The following ERC1 variants were observed in gnomAD, a reference collection of about 807,000 sequenced individuals.
ERC1 encodes ELKS/RAB6-interacting/CAST family member 1, also known as RAB6 interacting protein 2.
Under a neutral mutation model 132.0 loss-of-function variants are expected in ERC1, and 56 were observed. That is an observed-to-expected ratio of 0.42 (90% CI 0.34 to 0.53). The LOEUF (loss-of-function observed/expected upper bound fraction) is 0.53, where lower values mean the gene tolerates loss of function less well. ERC1 is among the 20% of genes least tolerant of loss of function. The probability of loss-of-function intolerance (pLI) is 0.03; values close to 1 mark genes in which losing one functional copy is unlikely to be tolerated. For synonymous variants in ERC1, 478 were observed against 476.1 expected (o/e 1.00, Z -0.05); for missense variants, 1,202 against 1,349.9 (o/e 0.89, Z 1.72).
At chr12:1,205,216 A>C (rs1016848737) in intron 12 of ERC1, among the ~76,000 whole-genome samples, 1 of 152,116 alleles carries the variant, frequency 6.6e-6, no homozygotes, top group Non-Finnish European at 1.5e-5. Flanking sequence ...AGCGGCACAA[A>C]ACAAAAATCT....
intron 15 of ERC1, among the ~76,000 whole-genome samples, chr12:1,357,580 G>A (rs762565588): frequency 6.6e-6 from 1 of 152,158 alleles, no homozygotes; most frequent in Non-Finnish European, 1.5e-5. Context: ...AAGATAAATG[G>A]TGTAGTCCAA....
At chr12:1,456,073 C>G (rs555288623) in intron 18 of ERC1, among the ~76,000 whole-genome samples, 58 of 152,306 alleles carry the variant, frequency 3.8e-4, no homozygotes, top group African/African-American at 8.4e-4. Context: ...TATTCATTCA[C>G]CACTGTGCTG....
chr12:1,015,182 C>T (rs879744910), intron 1 of ERC1, among the ~76,000 whole-genome samples: 6 of 151,970 alleles, frequency 3.9e-5, no homozygotes, highest in Admixed American at 2.6e-4. Context: ...AATCCTCTCA[C>T]CTGAGTAACT....
At chr12:1,462,211 T>C (rs974336689) in intron 18 of ERC1, among the ~76,000 whole-genome samples, 43 of 152,324 alleles carry the variant, frequency 2.8e-4, no homozygotes, top group African/African-American at 9.1e-4. Flanking sequence ...CGTGAAGATA[T>C]GGAGCAACTG....
chr12:1,114,105 C>T (rs1026986760), intron 6 of ERC1, among the ~76,000 whole-genome samples: 8 of 152,080 alleles, frequency 5.3e-5, no homozygotes. Context: ...CTCACTGCAA[C>T]CTCTGACTCC....
intron 15 of ERC1, among the ~76,000 whole-genome samples, chr12:1,371,483 G>A (rs954211570): frequency 6.6e-6 from 1 of 152,180 alleles, no homozygotes; most frequent in African/African-American, 2.4e-5. Flanking sequence ...CAAAATGGGG[G>A]TACTGATAAT....
intron 8 of ERC1, among the ~76,000 whole-genome samples, chr12:1,174,443 G>A (rs754198117): frequency 1.3e-4 from 20 of 152,236 alleles, no homozygotes; most frequent in Admixed American, 5.9e-4. Context: ...GAAAAAGAAA[G>A]TAACTTGCCA....
chr12:1,435,631 T>C (rs953856250), intron 17 of ERC1, among the ~76,000 whole-genome samples: 4 of 152,230 alleles, frequency 2.6e-5, no homozygotes, highest in Non-Finnish European at 5.9e-5. Flanking sequence ...TAAGCTGTAC[T>C]AAGCTGGAAA....
intron 1 of ERC1, among the ~76,000 whole-genome samples, chr12:996,084 CT>C (rs1238912247): frequency 6.8e-6 from 1 of 147,384 alleles, no homozygotes; most frequent in African/African-American, 2.6e-5. Context: ...TTTTACTTCT[CT>C]GTTTTTTTTG....
intron 11 of ERC1, among the ~76,000 whole-genome samples, chr12:1,184,914 G>T (rs1241237169): frequency 6.6e-6 from 1 of 151,868 alleles, no homozygotes; most frequent in Non-Finnish European, 1.5e-5. Context: ...CACAACACCT[G>T]GCTAAGTTAA....
intron 8 of ERC1, among the ~76,000 whole-genome samples, chr12:1,165,341 T>A (rs1187024426): frequency 6.6e-6 from 1 of 151,960 alleles, no homozygotes; most frequent in African/African-American, 2.4e-5. Flanking sequence ...AGTCTCGCTC[T>A]GTTGCCCCGG....
intron 15 of ERC1, among the ~76,000 whole-genome samples, chr12:1,356,213 A>AGTGTGTGTGTGTGTGT (rs71055145): frequency 1.2e-4 from 16 of 130,012 alleles, no homozygotes; most frequent in African/African-American, 5.1e-4. Flanking sequence ...AAAAAAAAAA[A>AGTGTGTGTGTGTGTGT]GTGTGTGTGT....
chr12:1,291,964 T>A (rs141583408), intron 15 of ERC1, among the ~76,000 whole-genome samples: 2 of 152,146 alleles, frequency 1.3e-5, no homozygotes, highest in African/African-American at 4.8e-5. Context: ...TATTCCACTT[T>A]TATGTTAGCG....
At chr12:1,330,200 G>A (rs1024622687) in intron 15 of ERC1, among the ~76,000 whole-genome samples, 4 of 152,130 alleles carry the variant, frequency 2.6e-5, no homozygotes, top group African/African-American at 9.7e-5. Context: ...GCACAGAAAG[G>A]CCTATAAGGA....
chr12:1,323,028 C>T (rs2154354665), intron 15 of ERC1, among the ~76,000 whole-genome samples: 1 of 152,168 alleles, frequency 6.6e-6, no homozygotes, highest in African/African-American at 2.4e-5. Flanking sequence ...CTTCTTATTG[C>T]CAAGCTGTTT....
intron 11 of ERC1, among the ~76,000 whole-genome samples, chr12:1,189,142 G>A (rs937954116): frequency 2.6e-5 from 4 of 152,104 alleles, no homozygotes; most frequent in African/African-American, 4.8e-5. Context: ...TCAACTTATG[G>A]CTGCAAGCAG....
At chr12:1,320,895 G>T (rs1217543932) in intron 15 of ERC1, among the ~76,000 whole-genome samples, 5 of 152,148 alleles carry the variant, frequency 3.3e-5, no homozygotes, top group Non-Finnish European at 7.3e-5. Flanking sequence ...TAGAGACGGG[G>T]TTTCACCGTG....
At chr12:1,126,497 G>T (rs976660323) in intron 7 of ERC1, among the ~76,000 whole-genome samples, 2 of 152,162 alleles carry the variant, frequency 1.3e-5, no homozygotes, top group African/African-American at 4.8e-5. Context: ...AAAGACCTCA[G>T]TGTTAAAGAG....
chr12:995,857 T>C (rs1452047768), intron 1 of ERC1, among the ~76,000 whole-genome samples: 1 of 151,976 alleles, frequency 6.6e-6, no homozygotes, highest in African/African-American at 2.4e-5. Context: ...TAAGAAATCA[T>C]TGAGTTAGGA....
Sources: gnomAD v4.1 joint callset for allele counts (sites outside exome capture counted in the v4.1 genomes callset) on GRCh38, gnomAD v4.1.1 for gene constraint, MANE v1.5 for transcripts, NCBI Gene and HGNC (gene_info 2026-07-23, HGNC 2026-07-21) for gene names.